The following RCAN2 variants were observed in gnomAD, a reference collection of about 807,000 sequenced individuals.
RCAN2 encodes calcipressin-2.
A neutral mutation model predicts 23.6 loss-of-function variants in RCAN2; 9 were observed. The ratio of observed to expected loss-of-function variants is 0.38; its 90% confidence interval spans 0.23 to 0.67. The LOEUF is 0.67. Among genes scored for constraint, RCAN2 ranks in the 30% least tolerant of loss-of-function variants. The probability of loss-of-function intolerance (pLI) is 0.51; values close to 1 mark genes in which losing one functional copy is unlikely to be tolerated. For missense variants in RCAN2, 273 were observed against 302.3 expected (o/e 0.90, Z 0.72); for synonymous variants, 109 against 115.7 (o/e 0.94, Z 0.37).
intron 2 of RCAN2, among the ~76,000 whole-genome samples, chr6:46,368,852 T>G (rs1208656569): frequency 6.6e-6 from 1 of 152,166 alleles, no homozygotes; most frequent in Non-Finnish European, 1.5e-5. Flanking sequence ...ATACTGTACA[T>G]GTAGGCTACA....
At chr6:46,331,198 CT>C (rs1009111331) in intron 2 of RCAN2, among the ~76,000 whole-genome samples, 1 of 151,948 alleles carries the variant, frequency 6.6e-6, no homozygotes, top group Non-Finnish European at 1.5e-5. Context: ...TAATTAAAAA[CT>C]TTTTATGAGA....
chr6:46,431,443 A>C (rs1767202918), intron 2 of RCAN2, among the ~76,000 whole-genome samples: 1 of 152,190 alleles, frequency 6.6e-6, no homozygotes. Flanking sequence ...TCTAACACAT[A>C]GTCCTCAATA....
At chr6:46,386,789 G>C (rs1765769612) in intron 2 of RCAN2, among the ~76,000 whole-genome samples, 1 of 152,014 alleles carries the variant, frequency 6.6e-6, no homozygotes, top group South Asian at 2.1e-4. Context: ...AGCCCACATT[G>C]CCAAGACAAT....
chr6:46,463,591 G>A (rs1480331519), intron 1 of RCAN2, among the ~76,000 whole-genome samples: 1 of 151,892 alleles, frequency 6.6e-6, no homozygotes, highest in African/African-American at 2.4e-5. Flanking sequence ...ACCATGATTG[G>A]AAAAAAATAC....
At chr6:46,312,609 G>T (rs1763299134) in intron 2 of RCAN2, among the ~76,000 whole-genome samples, 1 of 152,182 alleles carries the variant, frequency 6.6e-6, no homozygotes, top group Admixed American at 6.5e-5. Context: ...CAACAAATAT[G>T]CCTGTCTCCC....
chr6:46,237,441 G>T (rs1766142034), intron 4 of RCAN2, among the ~76,000 whole-genome samples: 1 of 152,220 alleles, frequency 6.6e-6, no homozygotes, highest in African/African-American at 2.4e-5. Context: ...TCATATTACG[G>T]GTGAATTCTC....
intron 2 of RCAN2, among the ~76,000 whole-genome samples, chr6:46,425,200 C>T (rs1174878365): frequency 6.6e-6 from 1 of 152,156 alleles, no homozygotes. Context: ...ATTGAGGACA[C>T]CAAAGTTCTT....
intron 2 of RCAN2, among the ~76,000 whole-genome samples, chr6:46,263,519 GTA>G (rs372237925): frequency 0.13 from 8,184 of 63,862 alleles, 290 homozygotes; most frequent in African/African-American, 0.15. Flanking sequence ...GTGTATGTGT[GTA>G]TGTGTGTGTG....
In RCAN2 at chr6:46,455,866, A is replaced by G. The variant is rs187386069; in HGVS notation, c.225+886T>C. Among the ~76,000 whole-genome samples, 1,286 of 150,266 alleles carry G rather than the reference A, an allele frequency of 8.6e-3. 20 individuals carry two copies. Among genetic ancestry groups the G allele is most frequent in the African/African-American group, 0.03 (1,219 of 40,456 alleles). ...AGCGAGATTCCGTTAAAAAAAAAAAAAGAAAGAAAGAAAGAAAGAAAAAGA... is the reference window on the plus strand; with the variant it reads ...AGCGAGATTCCGTTAAAAAAAAAAAGAGAAAGAAAGAAAGAAAGAAAAAGA... On this transcript the variant is annotated intron_variant, in intron 2 of 4. Coordinates refer to ENST00000371374, the MANE Select transcript of RCAN2 (RefSeq NM_001251974.2).
chr6:46,368,242 G>A (rs1490638514), intron 2 of RCAN2, among the ~76,000 whole-genome samples: 1 of 152,180 alleles, frequency 6.6e-6, no homozygotes, highest in Non-Finnish European at 1.5e-5. Context: ...TTTCTGCAAA[G>A]TGCCTATTGT....
chr6:46,412,719 CGAAGG>C (rs1766583082), intron 2 of RCAN2, among the ~76,000 whole-genome samples: 3 of 152,078 alleles, frequency 2.0e-5, no homozygotes, highest in African/African-American at 7.2e-5. Flanking sequence ...TCTGGCAACA[CGAAGG>C]TTGTGATTGC....
chr6:46,242,208 T>C (rs756319088), intron 4 of RCAN2, among the ~76,000 whole-genome samples: 1 of 152,200 alleles, frequency 6.6e-6, no homozygotes, highest in Non-Finnish European at 1.5e-5. Context: ...TTATGTTTGT[T>C]TCTAGGACCA....
At chr6:46,356,191 C>A (rs142950375) in intron 2 of RCAN2, among the ~76,000 whole-genome samples, 1 of 152,310 alleles carries the variant, frequency 6.6e-6, no homozygotes, top group East Asian at 1.9e-4. Flanking sequence ...AGGGAACAGT[C>A]TATAGGCTCC....
At chr6:46,230,992 G>A (rs1765865560) in intron 4 of RCAN2, among the ~76,000 whole-genome samples, 1 of 152,164 alleles carries the variant, frequency 6.6e-6, no homozygotes, top group Non-Finnish European at 1.5e-5. Context: ...GTGATGCTGG[G>A]AAGGATGTAG....
At chr6:46,281,493 G>A (rs1466864953) in intron 2 of RCAN2, among the ~76,000 whole-genome samples, 1 of 152,198 alleles carries the variant, frequency 6.6e-6, no homozygotes, top group African/African-American at 2.4e-5. Context: ...TTGTGGTTAA[G>A]AAAGCAGGCA....
At chr6:46,261,011 G>C (rs896579001) in intron 2 of RCAN2, among the ~76,000 whole-genome samples, 68 of 152,088 alleles carry the variant, frequency 4.5e-4, no homozygotes, top group African/African-American at 1.6e-3. Flanking sequence ...ATCAATGGCT[G>C]CCTTGGCTCA....
chr6:46,301,843 T>C (rs1458086628), intron 2 of RCAN2, among the ~76,000 whole-genome samples: 3 of 151,794 alleles, frequency 2.0e-5, no homozygotes, highest in East Asian at 1.9e-4. Context: ...AGTGAGCACA[T>C]AGAGGGGAGT....
chr6:46,391,828 T>C (rs1289548478), intron 2 of RCAN2, among the ~76,000 whole-genome samples: 1 of 152,158 alleles, frequency 6.6e-6, no homozygotes, highest in African/African-American at 2.4e-5. Flanking sequence ...TGTGTTTACC[T>C]GAGACACTGA....
At chr6:46,300,142 G>A (rs1762860401) in intron 2 of RCAN2, among the ~76,000 whole-genome samples, 1 of 151,630 alleles carries the variant, frequency 6.6e-6, no homozygotes, top group Non-Finnish European at 1.5e-5. Flanking sequence ...TGGGAAAAAA[G>A]AGGGAAAAAG....
Sources: gnomAD v4.1 joint callset for allele counts (sites outside exome capture counted in the v4.1 genomes callset) on GRCh38, gnomAD v4.1.1 for gene constraint, MANE v1.5 for transcripts, NCBI Gene and HGNC (gene_info 2026-07-23, HGNC 2026-07-21) for gene names.